ZFR: variants seen among roughly 807,000 people sequenced by gnomAD.
ZFR encodes zinc finger RNA-binding protein.
A neutral mutation model predicts 130.7 loss-of-function variants in ZFR; 19 were observed. That is an observed-to-expected ratio of 0.15 (90% CI 0.10 to 0.21). The LOEUF is 0.21. ZFR is among the 10% of genes least tolerant of loss of function. The pLI is 1.00. For synonymous variants in ZFR, 466 were observed against 456.9 expected (o/e 1.02, Z -0.25); for missense variants, 872 against 1,321.5 (o/e 0.66, Z 5.27).
At chr5:32,397,459 T>G in intron 9 of ZFR, 121 bp from the exon 10 acceptor site, 1 of 1,285,596 alleles carries the variant, frequency 7.8e-7, no homozygotes, top group Non-Finnish European at 1.1e-6. Flanking sequence ...TCTATTACAT[T>G]TTTTTTTTCC....
At chr5:32,413,238 C>CA (rs1360756343) in intron 5 of ZFR, among the ~76,000 whole-genome samples, 8 of 149,404 alleles carry the variant, frequency 5.4e-5, no homozygotes, top group East Asian at 1.9e-4. Context: ...CAAAACAAAA[C>CA]AAAAAAAACC....
rs771796273 is a variant in ZFR, at chr5:32,406,958, T to C, written c.848A>G (p.Gln283Arg). ...YSAASSYYQQ[Q>R]QQQQKQAAAA... ...TGCTGCCTGCTTCTGTTGCTGCTGC[T>C]GCTGTTGATAGTAGGAAGATGCAGC... Residue 283 changes from glutamine (Q) to arginine (R), a missense_variant, in exon 6 of 20, where the codon CAG (glutamine) becomes CGG (arginine). Gln to Arg is a conservative substitution (Grantham distance 43, BLOSUM62 1). Transcript: ENST00000265069. 6.3e-7 allele frequency: 1 copy of C among 1,594,306 alleles called. No individual in the cohort carries two copies. The highest frequency in any genetic ancestry group is 8.5e-7 in the Non-Finnish European group (1 of 1,175,038).
rs567505176 is a variant in ZFR at position 32,383,353 on chromosome 5, C to A, written c.2641+2155G>T. ...TCTGCTAGAAGGCTTTGGACCGGGC[C>A]TGATAAGCTACAGGTGGGAAAAAAC... On this transcript the variant is annotated intron_variant, in intron 15 of 19. Coordinates refer to ENST00000265069, the MANE Select transcript of ZFR (RefSeq NM_016107.5). Among the ~76,000 whole-genome samples the A allele has an allele frequency of 2.0e-5, 3 of 152,306 alleles. No individual in the cohort carries two copies. In the South Asian group the frequency reaches 6.2e-4, roughly 32 times the overall value.
chr5:32,444,476 C>A (rs1168699274), intron 1 of ZFR, 146 bp downstream of exon 1: 38 of 1,289,312 alleles, frequency 2.9e-5, no homozygotes, highest in Non-Finnish European at 3.2e-5. Flanking sequence ...GCCTCCCCCT[C>A]CCGCCTCGCA....
rs1461825064 is a variant in ZFR at position 32,403,957 on chromosome 5, A to G, written c.1173T>C (p.Cys391=). 1.9e-6 allele frequency: 3 copies of G among 1,613,532 alleles called. No individual in the cohort carries two copies. Among genetic ancestry groups the G allele is most frequent in the South Asian group, 1.1e-5 (1 of 90,962 alleles). ...GGGCAGCATACGCATCTGCTCCTGT[A>G]CAAGACACATCGCAGAGCTCACAAC... ...QLRCELCDVS[C]TGADAYAAHI... is the part of the protein sequence containing the mutation. The change falls in exon 7 of 20, where the codon TGT becomes TGC. Residue 391 remains cysteine (C), a synonymous_variant. Transcript: ENST00000265069.
chr5:32,435,828 G>A (rs1281233150), intron 2 of ZFR, among the ~76,000 whole-genome samples: 1 of 152,080 alleles, frequency 6.6e-6, no homozygotes, highest in African/African-American at 2.4e-5. Context: ...AATACTTTAA[G>A]CCCATGTGAC....
chr5:32,365,881 T>A (rs1166049933), intron 17 of ZFR, among the ~76,000 whole-genome samples: 1 of 152,178 alleles, frequency 6.6e-6, no homozygotes. Context: ...ATTACAGGCA[T>A]CACAGCAACA....
At chr5:32,426,016 T>C (rs914959397) in intron 2 of ZFR, among the ~76,000 whole-genome samples, 7 of 152,220 alleles carry the variant, frequency 4.6e-5, no homozygotes. Context: ...ATTATCCCTT[T>C]ATGCAAAAAG....
intron 6 of ZFR, among the ~76,000 whole-genome samples, chr5:32,404,848 ACT>A (rs925981143): frequency 6.6e-6 from 1 of 152,014 alleles, no homozygotes; most frequent in South Asian, 2.1e-4. Flanking sequence ...GATGGGTCTC[ACT>A]CTGTTACCCA....
intron 17 of ZFR, among the ~76,000 whole-genome samples, chr5:32,366,986 C>G (rs1293226511): frequency 6.6e-6 from 1 of 151,524 alleles, no homozygotes; most frequent in African/African-American, 2.4e-5. Flanking sequence ...AGCTTGAACT[C>G]CTGGGCTCAA....
At chr5:32,359,465 G>A (rs1303702217) in intron 19 of ZFR, among the ~76,000 whole-genome samples, 1 of 152,124 alleles carries the variant, frequency 6.6e-6, no homozygotes, top group Non-Finnish European at 1.5e-5. Context: ...TTAATGGGTT[G>A]TTTACTTTCA....
At chr5:32,384,117 A>G (rs1485076533) in intron 15 of ZFR, among the ~76,000 whole-genome samples, 1 of 152,234 alleles carries the variant, frequency 6.6e-6, no homozygotes, top group African/African-American at 2.4e-5. Context: ...AATTAAGTCT[A>G]AATATAACTG....
At chr5:32,362,491 C>T (rs1208894038) in intron 19 of ZFR, among the ~76,000 whole-genome samples, 2 of 152,140 alleles carry the variant, frequency 1.3e-5, no homozygotes, top group Admixed American at 1.3e-4. Flanking sequence ...TCAGATTTCA[C>T]CAGTTATATA....
intron 5 of ZFR, 67 bp downstream of exon 5, chr5:32,414,902 C>G (rs968560532): frequency 1.4e-5 from 20 of 1,391,494 alleles, no homozygotes; most frequent in Non-Finnish European, 1.9e-5. Context: ...CAAAGACAAT[C>G]AAGATAGTTT....
At position 32,400,132 on chromosome 5, in the gene ZFR, G is replaced by C; in HGVS notation, c.1588C>G (p.Pro530Ala). ...IKGTECVKST[P>A]VTSAVQIPEV... ...GGAATCTGCACAGCAGAAGTGACAG[G>C]AGTACTTTTAACACATTCGGTTCCT... The change falls in exon 9 of 20, where the codon CCT becomes GCT. Residue 530 changes from proline to alanine, a missense_variant. By Grantham distance (27) the Pro-to-Ala change is conservative. Transcript: ENST00000265069. 4 of 1,613,314 alleles carry C rather than the reference G, an allele frequency of 2.5e-6. No individual in the cohort carries two copies. Among genetic ancestry groups the C allele is most frequent in the Non-Finnish European group, 2.5e-6 (3 of 1,179,498 alleles).
intron 2 of ZFR, among the ~76,000 whole-genome samples, chr5:32,439,804 TAA>T (rs11446399): frequency 0.023 from 1,640 of 72,336 alleles, 33 homozygotes; most frequent in African/African-American, 0.079. Context: ...ACCATGTCTT[TAA>T]AAAAAAAAAA....
intron 9 of ZFR, among the ~76,000 whole-genome samples, chr5:32,397,943 C>T (rs1359220132): frequency 7.0e-6 from 1 of 143,672 alleles, no homozygotes; most frequent in Non-Finnish European, 1.5e-5. Flanking sequence ...CTGCCAGCTC[C>T]GCCTCCTGGG....
At chr5:32,368,724 T>C (rs1267481027) in intron 17 of ZFR, among the ~76,000 whole-genome samples, 1 of 152,220 alleles carries the variant, frequency 6.6e-6, no homozygotes, top group African/African-American at 2.4e-5. Context: ...TCCTCTTCAT[T>C]ATAGCTACCA....
intron 2 of ZFR, among the ~76,000 whole-genome samples, chr5:32,428,368 C>A (rs1263782966): frequency 6.6e-6 from 1 of 152,082 alleles, no homozygotes. Context: ...GAGCCGAGAT[C>A]ATGCCACTGC....
Sources: gnomAD v4.1 joint callset for allele counts (sites outside exome capture counted in the v4.1 genomes callset) on GRCh38, gnomAD v4.1.1 for gene constraint, MANE v1.5 for transcripts, NCBI Gene and HGNC (gene_info 2026-07-23, HGNC 2026-07-21) for gene names.